P4HA3: variants seen among roughly 807,000 people sequenced by gnomAD.
The protein encoded by P4HA3 is prolyl 4-hydroxylase subunit alpha 3.
Under a neutral mutation model 66.7 loss-of-function variants are expected in P4HA3, and 60 were observed. That is an observed-to-expected ratio of 0.90 (90% CI 0.73 to 1.12). The LOEUF is 1.12. Ranked by LOEUF, P4HA3 falls within the 50% of genes most tolerant of loss-of-function variation. The pLI, the probability that P4HA3 is intolerant of heterozygous loss-of-function variation, is 0.00. For synonymous variants in P4HA3, 263 were observed against 274.6 expected (o/e 0.96, Z 0.42); for missense variants, 683 against 685.8 (o/e 1.00, Z 0.05).
chr11:74,263,259 C>T (rs1591082251), downstream of P4HA3, among the ~76,000 whole-genome samples: 1 of 152,244 alleles, frequency 6.6e-6, no homozygotes, highest in East Asian at 1.9e-4. Flanking sequence ...CAAGTGTTCA[C>T]CGTTCATTTG....
chr11:74,290,835 T>G (rs1860994988), intron 4 of P4HA3, among the ~76,000 whole-genome samples: 1 of 152,220 alleles, frequency 6.6e-6, no homozygotes, highest in Admixed American at 6.5e-5. Flanking sequence ...ACAGGCTGTT[T>G]TGGTTACCGT....
chr11:74,253,741 T>G, intron 15 of P4HA3: 1 of 601,826 alleles, frequency 1.7e-6, no homozygotes, highest in South Asian at 2.0e-5. Flanking sequence ...CCCTGCTCCT[T>G]TCCCTTCCCT....
At chr11:74,277,174 T>G (rs770977041) in intron 8 of P4HA3, 30 bp from the exon 9 acceptor site, 1 of 1,589,364 alleles carries the variant, frequency 6.3e-7, no homozygotes, top group South Asian at 1.1e-5. Context: ...GAAGCATCAA[T>G]GATCTGTTGC....
intron 7 of P4HA3, among the ~76,000 whole-genome samples, chr11:74,282,951 C>A (rs1003580034): frequency 1.1e-4 from 16 of 152,126 alleles, no homozygotes; most frequent in African/African-American, 3.6e-4. Context: ...AGCGAAGGTG[C>A]AGGGCTTCAA....
At chr11:74,261,823 A>G (rs963711676), downstream of P4HA3, among the ~76,000 whole-genome samples, 1 of 152,192 alleles carries the variant, frequency 6.6e-6, no homozygotes, top group Non-Finnish European at 1.5e-5. Flanking sequence ...TCATTAAAAT[A>G]CCATCAAATA....
In P4HA3 at chr11:74,276,996, C is replaced by A; in HGVS notation, c.1324G>T (p.Asp442Tyr). ...GIGGHYEPHFDHATSPSSPLY... is the reference protein window; with the variant it reads ...GIGGHYEPHFYHATSPSSPLY... Reference sequence around the variant, plus strand: ...GACTCCACCATTACCGTAGCATGGTCAAAGTGAGGCTCATAGTGTCCTCCG... The same window carrying A: ...GACTCCACCATTACCGTAGCATGGTAAAAGTGAGGCTCATAGTGTCCTCCG... Residue 442 changes from aspartate (D) to tyrosine (Y), a missense_variant, in exon 9 of 13, where the codon GAC (aspartate) becomes TAC (tyrosine). Coordinates refer to ENST00000331597, the MANE Select transcript of P4HA3 (RefSeq NM_182904.5). 1.2e-6 allele frequency: 2 copies of A among 1,613,422 alleles called. No homozygotes were observed. Among genetic ancestry groups the A allele is most frequent in the South Asian group, 2.2e-5 (2 of 90,960 alleles).
chr11:74,256,382 A>G (rs950872303), intron 15 of P4HA3, among the ~76,000 whole-genome samples: 7 of 152,178 alleles, frequency 4.6e-5, no homozygotes, highest in African/African-American at 7.2e-5. Context: ...CATCCTTTGT[A>G]TCCTTGTGAA....
At chr11:74,255,026 CA>C (rs1859798841) in intron 15 of P4HA3, among the ~76,000 whole-genome samples, 1 of 152,144 alleles carries the variant, frequency 6.6e-6, no homozygotes, top group African/African-American at 2.4e-5. Context: ...ATCTACAACC[CA>C]AATCATTTCC....
chr11:74,300,128 C>T (rs574877855), intron 3 of P4HA3, among the ~76,000 whole-genome samples: 60 of 152,148 alleles, frequency 3.9e-4, no homozygotes, highest in Middle Eastern at 6.8e-3. Flanking sequence ...TGATCTAAGG[C>T]GAGTGAGAGC....
At chr11:74,277,524 A>G (rs1860442867) in intron 8 of P4HA3, among the ~76,000 whole-genome samples, 1 of 152,218 alleles carries the variant, frequency 6.6e-6, no homozygotes, top group Non-Finnish European at 1.5e-5. Context: ...TCCTAAGTCA[A>G]GTATTTAACC....
intron 11 of P4HA3, 49 bp from the exon 12 acceptor site, chr11:74,268,290 T>A: frequency 1.3e-6 from 2 of 1,481,784 alleles, no homozygotes; most frequent in Non-Finnish European, 1.9e-6. Flanking sequence ...AGAACCTCAG[T>A]CCTCGGGAAG....
chr11:74,285,840 G>A lies in P4HA3; in HGVS notation c.1079C>T (p.Ala360Val). 1 of 1,614,028 alleles carries A rather than the reference G, an allele frequency of 6.2e-7. No individual in the cohort carries two copies. The highest frequency in any genetic ancestry group is 2.2e-5 in the East Asian group (1 of 44,884). ...LYHDFVSDSE[A>V]QKIRELAEPW... ...TTCTGCAAGTTCTCTAATTTTCTGAGCCTCTGAGTCACTGACGAAGTCATG... is the reference window on the plus strand; with the variant it reads ...TTCTGCAAGTTCTCTAATTTTCTGAACCTCTGAGTCACTGACGAAGTCATG... Residue 360 changes from alanine (A) to valine (V), a missense_variant, in exon 7 of 13, where the codon GCT becomes GTT. Transcript: ENST00000331597.
At chr11:74,305,561 A>G (rs1861555407) in intron 1 of P4HA3, among the ~76,000 whole-genome samples, 3 of 152,170 alleles carry the variant, frequency 2.0e-5, no homozygotes, top group Non-Finnish European at 4.4e-5. Flanking sequence ...AGAACAAAGA[A>G]GAGAAGAAGA....
chr11:74,267,309 T>C lies in P4HA3; in HGVS notation c.1574A>G (p.Lys525Arg). The C allele has an allele frequency of 6.2e-7, 1 of 1,614,128 alleles. No homozygotes were observed. The highest frequency in any genetic ancestry group is 8.5e-7 in the Non-Finnish European group (1 of 1,179,994). The change falls in exon 13 of 13, where the codon AAG (lysine) becomes AGG (arginine). Residue 525 changes from lysine to arginine, a missense_variant. Transcript: ENST00000331597. Reference protein sequence around the residue: ...VLVGDKWVANKWIHEYGQEFR... With the variant: ...VLVGDKWVANRWIHEYGQEFR... ...TTCCTGTCCATACTCATGTATCCAC[T>C]TGTTGGCCACTGGGAGAGAACAGGG... is the stretch of plus-strand genomic sequence containing the variant.
intron 3 of P4HA3, among the ~76,000 whole-genome samples, chr11:74,300,697 A>G (rs78356025): frequency 0.014 from 2,132 of 152,360 alleles, 62 homozygotes; most frequent in African/African-American, 0.049. Context: ...GGGGAAGTGT[A>G]GATGAAACAA....
chr11:74,271,906 C>A (rs1193711275), intron 10 of P4HA3, among the ~76,000 whole-genome samples: 1 of 152,112 alleles, frequency 6.6e-6, no homozygotes, highest in Admixed American at 6.5e-5. Context: ...CTTTATGATA[C>A]CCTTTCCTTT....
chr11:74,297,046 C>T (rs969000426), intron 4 of P4HA3, among the ~76,000 whole-genome samples: 3 of 151,848 alleles, frequency 2.0e-5, no homozygotes, highest in African/African-American at 7.3e-5. Context: ...ATTCTCCTGC[C>T]TCAGCCTCCT....
chr11:74,272,243 T>C (rs1420138491), intron 10 of P4HA3, among the ~76,000 whole-genome samples: 8 of 140,282 alleles, frequency 5.7e-5, no homozygotes, highest in African/African-American at 2.1e-4. Flanking sequence ...CACACACACA[T>C]GCATTTGCCA....
chr11:74,283,589 C>T (rs76271401), intron 7 of P4HA3, among the ~76,000 whole-genome samples: 6,065 of 152,258 alleles, frequency 0.04, 128 homozygotes, highest in Middle Eastern at 0.11. Context: ...CCAAACTCCC[C>T]GGCATGGCAT....
Sources: gnomAD v4.1 joint callset for allele counts (sites outside exome capture counted in the v4.1 genomes callset) on GRCh38, gnomAD v4.1.1 for gene constraint, MANE v1.5 for transcripts, NCBI Gene and HGNC (gene_info 2026-07-23, HGNC 2026-07-21) for gene names.